Variants in EPHB1 observed in about 807,000 individuals in gnomAD.
EPHB1 encodes EPH receptor B1, also known as ephrin type-B receptor 1.
EPHB1 carries 30 observed loss-of-function variants against 94.4 expected under a neutral mutation model. The observed-to-expected ratio is 0.32, with a 90% CI of 0.24 to 0.43. The LOEUF (loss-of-function observed/expected upper bound fraction) is 0.43, where lower values mean the gene tolerates loss of function less well. Ranked by LOEUF, EPHB1 falls within the 20% of genes least tolerant of loss-of-function variation. The probability of loss-of-function intolerance (pLI) is 1.00; values close to 1 mark genes in which losing one functional copy is unlikely to be tolerated. For synonymous variants in EPHB1, 522 were observed against 489.1 expected (o/e 1.07, Z -0.89); for missense variants, 1,055 against 1,308.3 (o/e 0.81, Z 2.99).
chr3:134,965,761 C>G lies in EPHB1; in HGVS notation c.805+13709C>G, dbSNP rs4955529. Among the ~76,000 whole-genome samples the G allele has an allele frequency of 6.8e-3, 1,037 of 152,226 alleles. 47 individuals carry two copies. The highest frequency in any genetic ancestry group is 0.063 in the Admixed American group (965 of 15,292). On this transcript the variant is annotated intron_variant, in intron 3 of 15. Coordinates refer to ENST00000398015, the MANE Select transcript of EPHB1 (RefSeq NM_004441.5). ...TGCAGCAGCCCTCCCGCCCCCACCT[C>G]CACCTTGAGGACCTTCTGCAGCCCT...
intron 3 of EPHB1, among the ~76,000 whole-genome samples, chr3:135,006,170 A>G (rs1397832637): frequency 6.6e-6 from 1 of 152,236 alleles, no homozygotes; most frequent in African/African-American, 2.4e-5. Context: ...AACCAGTCTT[A>G]GGTATTTCTG....
At chr3:135,055,941 G>A (rs1019323094) in intron 3 of EPHB1, among the ~76,000 whole-genome samples, 1 of 152,150 alleles carries the variant, frequency 6.6e-6, no homozygotes. Context: ...AAACACAACA[G>A]TGTTTACCTG....
rs551981938 is a variant in EPHB1, at chr3:134,971,647, G to A, written c.805+19595G>A. Among the ~76,000 whole-genome samples, 7 of 152,282 alleles carry A rather than the reference G, an allele frequency of 4.6e-5. No homozygotes were observed. In the East Asian group the frequency reaches 1.4e-3, roughly 29 times the overall value. On this transcript the variant is annotated intron_variant, in intron 3 of 15. Coordinates refer to ENST00000398015, the MANE Select transcript of EPHB1 (RefSeq NM_004441.5). ...CTGGTCCTTCTCCTTCCTCAATGCA[G>A]GGACACTAGTCCCTTTAGGTACCAT... is the stretch of plus-strand genomic sequence containing the variant.
chr3:134,892,232 C>T (rs998761349), intron 1 of EPHB1, among the ~76,000 whole-genome samples: 1 of 152,210 alleles, frequency 6.6e-6, no homozygotes, highest in African/African-American at 2.4e-5. Context: ...AATGTCCTTG[C>T]CAGGGGTGTG....
At chr3:135,010,376 C>T (rs1935577055) in intron 3 of EPHB1, among the ~76,000 whole-genome samples, 1 of 152,068 alleles carries the variant, frequency 6.6e-6, no homozygotes, top group African/African-American at 2.4e-5. Context: ...TGCCATAATA[C>T]ACAGGCATTT....
At chr3:135,000,808 C>A (rs2107742622) in intron 3 of EPHB1, among the ~76,000 whole-genome samples, 1 of 152,304 alleles carries the variant, frequency 6.6e-6, no homozygotes, top group African/African-American at 2.4e-5. Context: ...ATAAATGGAT[C>A]CTGCCTCAGT....
At chr3:134,973,563 C>T (rs1934067898) in intron 3 of EPHB1, among the ~76,000 whole-genome samples, 1 of 150,738 alleles carries the variant, frequency 6.6e-6, no homozygotes, top group Non-Finnish European at 1.5e-5. Context: ...TCCTGAGTAG[C>T]CGGGATTACA....
chr3:135,198,320 A>G (rs920964397), intron 11 of EPHB1, among the ~76,000 whole-genome samples: 1 of 152,178 alleles, frequency 6.6e-6, no homozygotes, highest in Non-Finnish European at 1.5e-5. Flanking sequence ...GACCTCCTTT[A>G]TCTTGTCTGT....
At chr3:135,035,134 A>C (rs1936606018) in intron 3 of EPHB1, among the ~76,000 whole-genome samples, 1 of 152,102 alleles carries the variant, frequency 6.6e-6, no homozygotes, top group African/African-American at 2.4e-5. Flanking sequence ...GGGGTTTTGG[A>C]GTCACATGGC....
Position 135,097,170 on chromosome 3 carries a change from T to TG in EPHB1, c.806-9278_806-9277insG, listed in dbSNP as rs200996606. On this transcript the variant is annotated intron_variant, in intron 3 of 15. Coordinates refer to ENST00000398015, the MANE Select transcript of EPHB1 (RefSeq NM_004441.5). ...CAACGTATGATTTTTTTTTCTTTGT[T>TG]TTTTTTTTTTTTTTTTTGAGGGGCA... Among the ~76,000 whole-genome samples the TG allele has an allele frequency of 1.6e-3, 212 of 135,292 alleles. 2 individuals are homozygous for TG. The highest frequency in any genetic ancestry group is 6.2e-3 in the African/African-American group (194 of 31,170). 88.8% of individuals were successfully genotyped at this position (135,292 alleles called of 152,430 possible).
intron 13 of EPHB1, among the ~76,000 whole-genome samples, chr3:135,246,370 G>A (rs1468252939): frequency 3.3e-5 from 5 of 152,158 alleles, no homozygotes; most frequent in Non-Finnish European, 5.9e-5. Flanking sequence ...TTGTGAGCCA[G>A]GCTGATGGGA....
intron 3 of EPHB1, among the ~76,000 whole-genome samples, chr3:134,992,136 T>G (rs1011691543): frequency 6.6e-6 from 1 of 152,116 alleles, no homozygotes; most frequent in Non-Finnish European, 1.5e-5. Flanking sequence ...ACACTCTCAA[T>G]GAGCTTAATG....
At chr3:135,050,874 T>C (rs961188509) in intron 3 of EPHB1, among the ~76,000 whole-genome samples, 7 of 152,044 alleles carry the variant, frequency 4.6e-5, no homozygotes, top group African/African-American at 1.7e-4. Context: ...CCATGCTTCC[T>C]GTACAGCCTG....
At chr3:135,204,748 C>T (rs1002653469) in intron 12 of EPHB1, among the ~76,000 whole-genome samples, 2 of 151,998 alleles carry the variant, frequency 1.3e-5, no homozygotes, top group Non-Finnish European at 2.9e-5. Context: ...AGTGATTTGC[C>T]CGCCTCGGCC....
chr3:134,957,602 A>G (rs1412162991), intron 3 of EPHB1, among the ~76,000 whole-genome samples: 1 of 152,202 alleles, frequency 6.6e-6, no homozygotes, highest in East Asian at 1.9e-4. Flanking sequence ...CAGCTGATAA[A>G]GCCCGAAAAG....
At chr3:134,860,327 T>A (rs2108303498) in intron 1 of EPHB1, among the ~76,000 whole-genome samples, 1 of 152,222 alleles carries the variant, frequency 6.6e-6, no homozygotes, top group East Asian at 1.9e-4. Flanking sequence ...GGCACCTAAG[T>A]GTAGACCAAC....
At chr3:135,079,101 A>C (rs1295421207) in intron 3 of EPHB1, among the ~76,000 whole-genome samples, 1 of 140,750 alleles carries the variant, frequency 7.1e-6, no homozygotes, top group Admixed American at 6.9e-5. Flanking sequence ...AAAAAACAAA[A>C]CAAACAAACA....
At chr3:134,902,963 A>G (rs1181354075) in intron 1 of EPHB1, among the ~76,000 whole-genome samples, 2 of 152,196 alleles carry the variant, frequency 1.3e-5, no homozygotes, top group African/African-American at 4.8e-5. Context: ...GGCATCTGTA[A>G]ATTGCCATAT....
At chr3:135,145,358 G>C (rs915173061) in intron 5 of EPHB1, among the ~76,000 whole-genome samples, 1 of 152,148 alleles carries the variant, frequency 6.6e-6, no homozygotes. Flanking sequence ...TGGCCAGCCA[G>C]CCCAATCCTT....
Sources: gnomAD v4.1 joint callset for allele counts (sites outside exome capture counted in the v4.1 genomes callset) on GRCh38, gnomAD v4.1.1 for gene constraint, MANE v1.5 for transcripts, NCBI Gene and HGNC (gene_info 2026-07-23, HGNC 2026-07-21) for gene names.